The following PSD3 variants were observed in gnomAD, a reference collection of about 807,000 sequenced individuals.
PSD3 encodes PH and SEC7 domain-containing protein 3.
In PSD3, 49 loss-of-function variants were observed where a neutral mutation model predicts 105.5. The observed-to-expected ratio is 0.46, with a 90% CI of 0.37 to 0.59. PSD3 has a LOEUF of 0.59. Among genes scored for constraint, PSD3 ranks in the 20% least tolerant of loss-of-function variants. The pLI is 0.00. For synonymous variants in PSD3, 557 were observed against 457.8 expected (o/e 1.22, Z -2.77); for missense variants, 1,561 against 1,263.8 (o/e 1.24, Z -3.57).
At chr8:18,695,087 C>T (rs1410131037) in intron 9 of PSD3, among the ~76,000 whole-genome samples, 2 of 152,348 alleles carry the variant, frequency 1.3e-5, no homozygotes, top group East Asian at 1.9e-4. Flanking sequence ...TCCCCTTCTA[C>T]TAGGGATCCT....
intron 1 of PSD3, among the ~76,000 whole-genome samples, chr8:19,045,039 G>A (rs1420255894): frequency 6.6e-6 from 1 of 152,096 alleles, no homozygotes; most frequent in Non-Finnish European, 1.5e-5. Flanking sequence ...ACAAAAATTA[G>A]CTGAGTGTGG....
At chr8:18,875,912 C>T (rs2129458133) in intron 2 of PSD3, among the ~76,000 whole-genome samples, 1 of 152,308 alleles carries the variant, frequency 6.6e-6, no homozygotes, top group East Asian at 1.9e-4. Context: ...CAGCTTTTCT[C>T]AGCCCCTGGT....
intron 11 of PSD3, among the ~76,000 whole-genome samples, chr8:18,602,250 C>T (rs750896002): frequency 1.3e-5 from 2 of 152,104 alleles, no homozygotes; most frequent in African/African-American, 2.4e-5. Context: ...AATCCAAGTA[C>T]ATGTTTACAA....
chr8:18,667,122 G>C (rs976828934), intron 9 of PSD3, among the ~76,000 whole-genome samples: 2 of 152,138 alleles, frequency 1.3e-5, no homozygotes, highest in African/African-American at 2.4e-5. Flanking sequence ...ACCCCAGCGA[G>C]TTGCCACTGG....
At chr8:18,857,417 CCA>C (rs1325811781) in intron 4 of PSD3, among the ~76,000 whole-genome samples, 3 of 152,044 alleles carry the variant, frequency 2.0e-5, no homozygotes, top group African/African-American at 7.3e-5. Flanking sequence ...AGTCTGAGGC[CCA>C]CACCTGGGAG....
At chr8:18,811,592 G>A (rs1811686737) in intron 4 of PSD3, among the ~76,000 whole-genome samples, 2 of 152,262 alleles carry the variant, frequency 1.3e-5, no homozygotes, top group South Asian at 2.1e-4. Context: ...ATTTTTCTAC[G>A]AAGTGGTCAT....
intron 3 of PSD3, among the ~76,000 whole-genome samples, chr8:18,870,257 G>C (rs1053906266): frequency 1.1e-4 from 16 of 152,188 alleles, no homozygotes; most frequent in African/African-American, 3.9e-4. Context: ...ATAAAATGTG[G>C]TGTCATGAGG....
chr8:18,649,957 C>G (rs757957972), intron 10 of PSD3, among the ~76,000 whole-genome samples: 13 of 152,258 alleles, frequency 8.5e-5, no homozygotes, highest in African/African-American at 3.1e-4. Context: ...ACTTCCTGTA[C>G]GGCCTGAAGA....
At position 18,632,720 on chromosome 8, in the gene PSD3, C is replaced by T. The variant is rs770442620; in HGVS notation, c.2303G>A (p.Gly768Glu). The T allele has an allele frequency of 1.9e-6, 3 of 1,609,290 alleles. No individual in the cohort carries two copies. The East Asian group carries it at 6.7e-5, about 36-fold the overall frequency. ...GTHPKTISRI[G>E]STTNPFLDIP... ...GTCCAAAAATGGGTTAGTAGTACTT[C>T]CAATACGACTGATGGTCTTTGGATG... Residue 768 changes from glycine (G) to glutamate (E), a missense_variant, in exon 11 of 16, where the codon GGA becomes GAA. Coordinates refer to ENST00000327040, the MANE Select transcript of PSD3 (RefSeq NM_015310.4).
At chr8:18,728,711 C>T (rs1803510188) in intron 9 of PSD3, among the ~76,000 whole-genome samples, 1 of 152,080 alleles carries the variant, frequency 6.6e-6, no homozygotes, top group Non-Finnish European at 1.5e-5. Flanking sequence ...TATGTGAAGT[C>T]ATGCATAAGT....
chr8:18,758,962 C>G (rs990335347), intron 9 of PSD3, among the ~76,000 whole-genome samples: 9 of 152,050 alleles, frequency 5.9e-5, no homozygotes, highest in Non-Finnish European at 1.3e-4. Context: ...TTCTAACCAA[C>G]AGACTATGTA....
chr8:18,856,691 A>C (rs1194126442), intron 4 of PSD3, among the ~76,000 whole-genome samples: 2 of 152,226 alleles, frequency 1.3e-5, no homozygotes, highest in African/African-American at 4.8e-5. Context: ...AGACAATAAA[A>C]GAAACTATCA....
chr8:18,927,619 G>C (rs189958498), intron 2 of PSD3, among the ~76,000 whole-genome samples: 17 of 152,320 alleles, frequency 1.1e-4, no homozygotes, highest in African/African-American at 3.6e-4. Flanking sequence ...CACTGCTGCT[G>C]TGTAGCCACT....
chr8:18,586,330 T>C (rs961861712), intron 12 of PSD3, among the ~76,000 whole-genome samples: 2 of 152,136 alleles, frequency 1.3e-5, no homozygotes, highest in East Asian at 3.9e-4. Flanking sequence ...TATTGTGACT[T>C]TTTTGTTTAT....
chr8:18,910,179 C>T (rs1820114382), intron 2 of PSD3, among the ~76,000 whole-genome samples: 1 of 151,600 alleles, frequency 6.6e-6, no homozygotes, highest in African/African-American at 2.4e-5. Flanking sequence ...TATAAAGACA[C>T]ATGCACACGT....
intron 12 of PSD3, among the ~76,000 whole-genome samples, chr8:18,575,594 C>T (rs952508253): frequency 6.6e-6 from 1 of 152,034 alleles, no homozygotes; most frequent in Non-Finnish European, 1.5e-5. Flanking sequence ...AAATATCTAT[C>T]GTACACATTT....
intron 1 of PSD3, among the ~76,000 whole-genome samples, chr8:19,027,369 T>A (rs1827593765): frequency 6.6e-6 from 1 of 152,234 alleles, no homozygotes; most frequent in Non-Finnish European, 1.5e-5. Context: ...ACCCAGCTGT[T>A]TGGTTTTTTG....
intron 4 of PSD3, among the ~76,000 whole-genome samples, chr8:18,859,141 C>A (rs1284037767): frequency 6.6e-6 from 1 of 151,994 alleles, no homozygotes; most frequent in Non-Finnish European, 1.5e-5. Flanking sequence ...AGAACTACAT[C>A]AGTCTTCTTG....
chr8:19,026,486 C>CA (rs537852216), intron 1 of PSD3, among the ~76,000 whole-genome samples: 46 of 152,090 alleles, frequency 3.0e-4, no homozygotes, highest in Middle Eastern at 3.4e-3. Flanking sequence ...CTCCAGAAGA[C>CA]AGAGACAACA....
Sources: gnomAD v4.1 joint callset for allele counts (sites outside exome capture counted in the v4.1 genomes callset) on GRCh38, gnomAD v4.1.1 for gene constraint, MANE v1.5 for transcripts, NCBI Gene and HGNC (gene_info 2026-07-23, HGNC 2026-07-21) for gene names.